DSCAM: variants seen among roughly 807,000 people sequenced by gnomAD.
The protein encoded by DSCAM is DS cell adhesion molecule.
A neutral mutation model predicts 217.7 loss-of-function variants in DSCAM; 47 were observed. The observed-to-expected ratio is 0.22, with a 90% CI of 0.17 to 0.28. The LOEUF is 0.28. DSCAM is among the 10% of genes least tolerant of loss of function. DSCAM has a pLI of 1.00. For synonymous variants in DSCAM, 1,056 were observed against 1,015.3 expected, an observed-to-expected ratio of 1.04 and a Z score of -0.76; for missense variants, 2,080 against 2,618.3, an observed-to-expected ratio of 0.79 and a Z score of 4.49.
chr21:40,670,011 AATTATG>A (rs1190220317), intron 3 of DSCAM, among the ~76,000 whole-genome samples: 1 of 152,164 alleles, frequency 6.6e-6, no homozygotes, highest in African/African-American at 2.4e-5. Flanking sequence ...AGGACAAAAT[AATTATG>A]ATTATGATTT....
At chr21:40,637,641 A>C (rs1328192834) in intron 3 of DSCAM, among the ~76,000 whole-genome samples, 2 of 58,546 alleles carry the variant, frequency 3.4e-5, no homozygotes, top group Admixed American at 2.6e-4. Context: ...AAATATATAT[A>C]AATATATATC....
intron 8 of DSCAM, among the ~76,000 whole-genome samples, chr21:40,333,331 A>G (rs1369087205): frequency 6.6e-6 from 1 of 152,206 alleles, no homozygotes; most frequent in Non-Finnish European, 1.5e-5. Flanking sequence ...AATTTACTTT[A>G]TATATTAATA....
At chr21:40,762,319 GAATACT>G (rs200481767) in intron 1 of DSCAM, among the ~76,000 whole-genome samples, 1,653 of 152,176 alleles carry the variant, frequency 0.011, 16 homozygotes, top group Non-Finnish European at 0.016. Flanking sequence ...TACCATAAGA[GAATACT>G]ATAAACACCT....
rs148620765 is a variant in DSCAM, at chr21:40,606,682, G to A, written c.508+86128C>T. Reference sequence around the variant, plus strand: ...AGCTGAGCAGCCCACTTCTGTATGCGAGCTCACAGCTCAGAGCAAATGTAC... The same window carrying A: ...AGCTGAGCAGCCCACTTCTGTATGCAAGCTCACAGCTCAGAGCAAATGTAC... On this transcript the variant is annotated intron_variant, in intron 3 of 32. Transcript: ENST00000400454. Among the ~76,000 whole-genome samples the A allele has an allele frequency of 7.6e-3, 1,163 of 152,282 alleles. 14 individuals carry two copies. The highest frequency in any genetic ancestry group is 0.026 in the African/African-American group (1,089 of 41,548).
intron 3 of DSCAM, among the ~76,000 whole-genome samples, chr21:40,684,397 G>A (rs917395774): frequency 6.6e-6 from 1 of 152,100 alleles, no homozygotes; most frequent in African/African-American, 2.4e-5. Context: ...CTGCTGGATG[G>A]TTTACTCCAT....
chr21:40,504,236 G>C (rs2076193021), intron 3 of DSCAM, among the ~76,000 whole-genome samples: 1 of 152,180 alleles, frequency 6.6e-6, no homozygotes, highest in South Asian at 2.1e-4. Flanking sequence ...GAGAGAGGAG[G>C]AAGAGGATTT....
rs555231685 is a variant in DSCAM at position 40,272,064 on chromosome 21, T to C, written c.2356+4033A>G. Among the ~76,000 whole-genome samples, 283 of 150,766 alleles carry C rather than the reference T, an allele frequency of 1.9e-3. 3 individuals are homozygous for C. Among genetic ancestry groups the C allele is most frequent in the African/African-American group, 6.6e-3 (268 of 40,560 alleles). On this transcript the variant is annotated intron_variant, in intron 11 of 32. Coordinates refer to ENST00000400454, the MANE Select transcript of DSCAM (RefSeq NM_001389.5). ...AGACTTGTCTCATTATTTTCCTCGA[T>C]TGACAGAGCTATTTTTTTTTTTTTT...
intron 11 of DSCAM, among the ~76,000 whole-genome samples, chr21:40,244,181 T>C (rs867517104): frequency 5.3e-5 from 8 of 151,804 alleles, no homozygotes; most frequent in Non-Finnish European, 1.0e-4. Flanking sequence ...CCGGGAAGAG[T>C]GGTTCACGCC....
intron 11 of DSCAM, among the ~76,000 whole-genome samples, chr21:40,211,694 T>A (rs997124394): frequency 1.2e-4 from 18 of 151,912 alleles, no homozygotes; most frequent in Non-Finnish European, 2.4e-4. Flanking sequence ...CAGCCCATGA[T>A]GCATCAGACA....
At position 40,353,471 on chromosome 21, in the gene DSCAM, C is replaced by G; in HGVS notation, c.928G>C (p.Val310Leu). 1 of 1,602,676 alleles carries G rather than the reference C, an allele frequency of 6.2e-7. No homozygotes were observed. Among genetic ancestry groups the G allele is most frequent in the Non-Finnish European group, 8.5e-7 (1 of 1,177,024 alleles). The stretch of plus-strand genomic sequence containing the variant: ...AAGTTACCGTCCAACTTACGTTTCA[C>G]GTACAGGCGGCCTATCACCTTAGCA... ...GTAKVIGRLY[V>L]KQPLKATISP... The change falls in exon 5 of 33, where the codon GTG becomes CTG. Residue 310 changes from valine to leucine, a missense_variant. Physicochemically the swap from Val to Leu is conservative, Grantham distance 32. This residue lies in a region of DSCAM where 568 missense variants were observed against 678.1 expected (regional missense o/e 0.84). Coordinates refer to ENST00000400454, the MANE Select transcript of DSCAM (RefSeq NM_001389.5).
chr21:40,069,723 C>T (rs1037528974), intron 27 of DSCAM, among the ~76,000 whole-genome samples: 15 of 152,300 alleles, frequency 9.8e-5, no homozygotes, highest in African/African-American at 3.6e-4. Context: ...GCCTCTCCCT[C>T]AACAGTCCCT....
At chr21:40,138,806 T>C (rs1398085584) in intron 18 of DSCAM, among the ~76,000 whole-genome samples, 6 of 143,452 alleles carry the variant, frequency 4.2e-5, no homozygotes, top group African/African-American at 1.6e-4. Flanking sequence ...GTGGTATGTG[T>C]GGTGTGTGTA....
At chr21:40,600,702 T>C (rs1204232186) in intron 3 of DSCAM, among the ~76,000 whole-genome samples, 1 of 152,244 alleles carries the variant, frequency 6.6e-6, no homozygotes, top group African/African-American at 2.4e-5. Flanking sequence ...TTGTTGTTGT[T>C]GTTAAAGCAC....
intron 3 of DSCAM, among the ~76,000 whole-genome samples, chr21:40,517,577 A>G (rs923955465): frequency 5.9e-5 from 9 of 152,034 alleles, no homozygotes; most frequent in Non-Finnish European, 1.3e-4. Context: ...TATGTCTATG[A>G]TGCCATTTAA....
chr21:40,038,165 A>C (rs1364106148), intron 32 of DSCAM, among the ~76,000 whole-genome samples: 2 of 150,092 alleles, frequency 1.3e-5, no homozygotes, highest in Non-Finnish European at 3.0e-5. Flanking sequence ...AAATTGACAA[A>C]TGGGATCTAA....
chr21:40,321,311 T>C (rs1331916509), intron 8 of DSCAM, among the ~76,000 whole-genome samples: 1 of 152,200 alleles, frequency 6.6e-6, no homozygotes, highest in East Asian at 1.9e-4. Flanking sequence ...TGTCAATATC[T>C]TCATCTTGAT....
At chr21:40,634,277 T>G (rs2089727291) in intron 3 of DSCAM, among the ~76,000 whole-genome samples, 1 of 152,198 alleles carries the variant, frequency 6.6e-6, no homozygotes, top group African/African-American at 2.4e-5. Flanking sequence ...TTGTTCCTCT[T>G]GTTCTGTCCG....
At chr21:40,087,758 G>C (rs534262131) in intron 21 of DSCAM, among the ~76,000 whole-genome samples, 1 of 152,334 alleles carries the variant, frequency 6.6e-6, no homozygotes, top group East Asian at 1.9e-4. Context: ...CTGTATTATA[G>C]CAAGTTGATC....
chr21:40,044,159 A>G lies in DSCAM; in HGVS notation c.5302T>C (p.Trp1768Arg). 1 of 1,614,148 alleles carries G rather than the reference A, an allele frequency of 6.2e-7. No homozygotes were observed. The highest frequency in any genetic ancestry group is 2.2e-5 in the East Asian group (1 of 44,878). Residue 1768 changes from tryptophan (W) to arginine (R), a missense_variant, in exon 31 of 33, where the codon TGG (tryptophan) becomes CGG (arginine). By Grantham distance (101) the Trp-to-Arg change is moderately radical. This residue lies in a region of DSCAM where 1,144 missense variants were observed against 1,421.1 expected (regional missense o/e 0.81). Coordinates refer to ENST00000400454, the MANE Select transcript of DSCAM (RefSeq NM_001389.5). ...GCAGCCCTGGGTGTTGGCAGCCTCCAGTCTGTGGTGAGGGTGTGTGCTGAG... is the reference window on the plus strand; with the variant it reads ...GCAGCCCTGGGTGTTGGCAGCCTCCGGTCTGTGGTGAGGGTGTGTGCTGAG... ...TISAHTLTTDWRLPTPRAAGS... is the reference protein window; with the variant it reads ...TISAHTLTTDRRLPTPRAAGS...
Sources: allele counts gnomAD v4.1 joint callset (sites outside exome capture counted in the v4.1 genomes callset), GRCh38; gene constraint gnomAD v4.1.1; regional missense constraint gnomAD v4.1.1; transcripts MANE v1.5; gene names NCBI Gene and HGNC (gene_info 2026-07-23, HGNC 2026-07-21).